Variants in SLC35F4 observed in about 807,000 individuals in gnomAD.
The protein encoded by SLC35F4 is solute carrier family 35 member F4.
In SLC35F4, 24 loss-of-function variants were observed where a neutral mutation model predicts 44.2. The observed-to-expected ratio is 0.54, with a 90% CI of 0.39 to 0.76. The LOEUF (loss-of-function observed/expected upper bound fraction) is 0.76. Ranked by LOEUF, SLC35F4 falls within the 30% of genes least tolerant of loss-of-function variation. The pLI is 0.00. For synonymous variants in SLC35F4, 238 were observed against 223.6 expected (o/e 1.06, Z -0.57); for missense variants, 562 against 586.1 (o/e 0.96, Z 0.42).
chr14:57,675,359 A>T (rs2074657818), intron 1 of SLC35F4, among the ~76,000 whole-genome samples: 1 of 152,118 alleles, frequency 6.6e-6, no homozygotes, highest in Admixed American at 6.6e-5. Context: ...TTACTTTGAA[A>T]GCACCAAAAG....
intron 1 of SLC35F4, among the ~76,000 whole-genome samples, chr14:57,750,057 G>T (rs2076847110): frequency 1.3e-5 from 2 of 151,782 alleles, no homozygotes; most frequent in African/African-American, 4.9e-5. Context: ...TCCTCACCCT[G>T]AGTCTCCAGT....
intron 1 of SLC35F4, among the ~76,000 whole-genome samples, chr14:57,660,146 G>T (rs1166379505): frequency 6.6e-6 from 1 of 152,198 alleles, no homozygotes; most frequent in Non-Finnish European, 1.5e-5. Context: ...CTAGAAAAAT[G>T]AGACTCCACG....
chr14:57,707,154 C>A (rs2075697628), intron 1 of SLC35F4, among the ~76,000 whole-genome samples: 1 of 152,166 alleles, frequency 6.6e-6, no homozygotes, highest in African/African-American at 2.4e-5. Context: ...GTTTTGATAA[C>A]TCCCACTTAT....
At chr14:57,587,620 G>A (rs1358650034) in intron 3 of SLC35F4, among the ~76,000 whole-genome samples, 1 of 152,144 alleles carries the variant, frequency 6.6e-6, no homozygotes, top group Non-Finnish European at 1.5e-5. Context: ...AGGCCTGTTG[G>A]CAGAGGTGGC....
At chr14:57,955,784 T>G (rs1037498277) in intron 1 of SLC35F4, among the ~76,000 whole-genome samples, 1 of 152,084 alleles carries the variant, frequency 6.6e-6, no homozygotes, top group Non-Finnish European at 1.5e-5. Flanking sequence ...CTCAATGAAA[T>G]AAGAGAGGAC....
chr14:57,621,102 C>A lies in SLC35F4; in HGVS notation c.104-26978G>T, dbSNP rs569555366. Among the ~76,000 whole-genome samples, 9 of 151,594 alleles carry A rather than the reference C, an allele frequency of 5.9e-5. No homozygotes were observed. The South Asian group carries it at 1.3e-3, about 21-fold the overall frequency. ...AGAGAATAAAATACCTAGGAATCCA[C>A]CTTACAAGGGATGTGAAGGACCTCT... On this transcript the variant is annotated intron_variant, in intron 1 of 7. Transcript: ENST00000556826.
At chr14:57,846,995 C>T (rs970147033) in intron 1 of SLC35F4, among the ~76,000 whole-genome samples, 1 of 152,170 alleles carries the variant, frequency 6.6e-6, no homozygotes, top group Admixed American at 6.5e-5. Context: ...TGAACTGTTA[C>T]CAGACCATGA....
intron 1 of SLC35F4, among the ~76,000 whole-genome samples, chr14:57,600,578 GC>G (rs2070754292): frequency 2.1e-5 from 3 of 144,536 alleles, no homozygotes; most frequent in African/African-American, 7.7e-5. Context: ...TGTAGTCCCA[GC>G]TACCTGGGAG....
At chr14:57,752,586 G>A (rs1293071172) in intron 1 of SLC35F4, among the ~76,000 whole-genome samples, 2 of 151,794 alleles carry the variant, frequency 1.3e-5, no homozygotes, top group East Asian at 1.9e-4. Flanking sequence ...TCAGCCTCCC[G>A]AGTAACTGGG....
chr14:57,910,416 G>A (rs1018999295), intron 1 of SLC35F4, among the ~76,000 whole-genome samples: 1 of 151,966 alleles, frequency 6.6e-6, no homozygotes, highest in Admixed American at 6.6e-5. Context: ...TGTCATCTGG[G>A]AGTTTTATAT....
chr14:57,739,528 T>C (rs1761744606), intron 1 of SLC35F4, among the ~76,000 whole-genome samples: 1 of 152,196 alleles, frequency 6.6e-6, no homozygotes, highest in Non-Finnish European at 1.5e-5. Flanking sequence ...GTGATTTTTC[T>C]TCCTCTTCCT....
At chr14:57,685,467 T>A (rs1020981749) in intron 1 of SLC35F4, among the ~76,000 whole-genome samples, 1 of 152,210 alleles carries the variant, frequency 6.6e-6, no homozygotes, top group Non-Finnish European at 1.5e-5. Flanking sequence ...ATCTTTGGCT[T>A]CAGGCATCAT....
intron 1 of SLC35F4, among the ~76,000 whole-genome samples, chr14:57,970,312 T>C (rs1199257854): frequency 1.3e-5 from 2 of 152,278 alleles, no homozygotes; most frequent in East Asian, 3.9e-4. Context: ...GTAAATACTT[T>C]CACCTTTTTA....
rs75715217 is a variant in SLC35F4 at position 57,943,727 on chromosome 14, C to T, written n.282+38186G>A. ...GCTGAACTTCTTCTGTAATACTATTCGATTCAGTTAACCGCCAGTGCTGGT... is the reference window on the plus strand; with the variant it reads ...GCTGAACTTCTTCTGTAATACTATTTGATTCAGTTAACCGCCAGTGCTGGT... On this transcript the variant is annotated intron_variant and non_coding_transcript_variant, in intron 1 of 1. Transcript: ENST00000556568. Among the ~76,000 whole-genome samples the T allele has an allele frequency of 0.02, 3,100 of 152,270 alleles. 341 individuals carry two copies. In the East Asian group the frequency reaches 0.35, roughly 17 times the overall value.
At chr14:57,752,627 A>C (rs2076912289) in intron 1 of SLC35F4, among the ~76,000 whole-genome samples, 1 of 151,812 alleles carries the variant, frequency 6.6e-6, no homozygotes, top group Non-Finnish European at 1.5e-5. Flanking sequence ...TACCAGGCTA[A>C]TTTTTGTATT....
intron 1 of SLC35F4, among the ~76,000 whole-genome samples, chr14:57,708,619 C>T (rs2140392274): frequency 6.6e-6 from 1 of 152,192 alleles, no homozygotes; most frequent in African/African-American, 2.4e-5. Context: ...GGGTACAGCC[C>T]CACAGAGTCG....
intron 1 of SLC35F4, among the ~76,000 whole-genome samples, chr14:57,738,362 C>G (rs1665675875): frequency 6.6e-6 from 1 of 152,072 alleles, no homozygotes; most frequent in African/African-American, 2.4e-5. Flanking sequence ...GCGAGTGTAC[C>G]TGACTTCTCT....
At chr14:57,952,237 A>G (rs553563876) in intron 1 of SLC35F4, among the ~76,000 whole-genome samples, 4 of 152,336 alleles carry the variant, frequency 2.6e-5, no homozygotes, top group South Asian at 4.1e-4. Context: ...AAGGAATAGC[A>G]TCAACATCAA....
rs139512241 is a variant in SLC35F4 at position 57,951,844 on chromosome 14, G to A, written n.282+30069C>T. Among the ~76,000 whole-genome samples the A allele has an allele frequency of 3.7e-3, 561 of 152,272 alleles. 4 individuals are homozygous for A. The highest frequency in any genetic ancestry group is 0.013 in the African/African-American group (537 of 41,554). ...GGACAGAGCACCAGAGGGAAGAGGC[G>A]GCTATGGGCACAGCTTCAGCAGACT... On this transcript the variant is annotated intron_variant and non_coding_transcript_variant, in intron 1 of 1. Coordinates refer to the SLC35F4 transcript ENST00000556568.
Sources: gnomAD v4.1 joint callset for allele counts (sites outside exome capture counted in the v4.1 genomes callset) on GRCh38, gnomAD v4.1.1 for gene constraint, MANE v1.5 for transcripts, NCBI Gene and HGNC (gene_info 2026-07-23, HGNC 2026-07-21) for gene names.